The following AOPEP variants were observed in gnomAD, a reference collection of about 807,000 sequenced individuals.
The protein encoded by AOPEP is aminopeptidase O.
Under a neutral mutation model 98.1 loss-of-function variants are expected in AOPEP, and 77 were observed. That is an observed-to-expected ratio of 0.78 (90% CI 0.65 to 0.95). The LOEUF (loss-of-function observed/expected upper bound fraction) is 0.95, where lower values mean the gene tolerates loss of function less well. Among genes scored for constraint, AOPEP ranks in the 40% least tolerant of loss-of-function variants. The pLI, the probability that AOPEP is intolerant of heterozygous loss-of-function variation, is 0.00. For missense variants in AOPEP, 1,024 were observed against 1,024.7 expected, an observed-to-expected ratio of 1.00 and a Z score of 0.01; for synonymous variants, 346 against 365.3, an observed-to-expected ratio of 0.95 and a Z score of 0.60.
the AOPEP span, chr9:95,109,465 T>C: frequency 6.6e-6 from 1 of 152,162 alleles, no homozygotes; most frequent in Non-Finnish European, 1.5e-5. Flanking sequence ...TTCCTTTTTT[T>C]CTCTAGGCAT....
the AOPEP span, chr9:95,150,041 G>C: frequency 6.2e-7 from 1 of 1,614,166 alleles, no homozygotes; most frequent in Non-Finnish European, 8.5e-7. Context: ...AGGGTAATAA[G>C]TGGGACACAA....
At chr9:95,109,080 C>A in the AOPEP span, among the ~76,000 whole-genome samples, 286 of 152,074 alleles carry the variant, frequency 1.9e-3, no homozygotes, top group African/African-American at 6.0e-3. Flanking sequence ...TGGCTAATTT[C>A]TTTATTTATT....
intron 13 of AOPEP, among the ~76,000 whole-genome samples, chr9:95,055,927 A>G (rs2066775629): frequency 6.6e-6 from 1 of 151,208 alleles, no homozygotes; most frequent in Non-Finnish European, 1.5e-5. Context: ...TTCCCTGCGT[A>G]GTAACATAGA....
Position 95,015,466 on chromosome 9 carries a change from C to T in AOPEP, c.2115+9850C>T, listed in dbSNP as rs140014960. Among the ~76,000 whole-genome samples, 592 of 152,256 alleles carry T rather than the reference C, an allele frequency of 3.9e-3. 7 individuals are homozygous for T. The highest frequency in any genetic ancestry group is 0.014 in the African/African-American group (574 of 41,550). ...ATTCTATATTTATTCAAACAATTTA[C>T]AATTTTTATTTGATGTTCACAACGT... On this transcript the variant is annotated intron_variant, in intron 13 of 16. Coordinates refer to ENST00000375315, the MANE Select transcript of AOPEP (RefSeq NM_001193329.3).
chr9:94,982,971 C>G (rs1231743356), intron 11 of AOPEP, among the ~76,000 whole-genome samples: 1 of 152,146 alleles, frequency 6.6e-6, no homozygotes, highest in Non-Finnish European at 1.5e-5. Context: ...AGCCTTTCTT[C>G]TACACTCCTT....
At chr9:94,819,857 G>T (rs113938508) in intron 5 of AOPEP, among the ~76,000 whole-genome samples, 1 of 151,862 alleles carries the variant, frequency 6.6e-6, no homozygotes, top group African/African-American at 2.4e-5. Flanking sequence ...ACAGGAATGA[G>T]CCACTGTGCT....
intron 3 of AOPEP, among the ~76,000 whole-genome samples, chr9:94,784,246 C>T (rs1843908752): frequency 1.3e-5 from 2 of 152,224 alleles, no homozygotes; most frequent in Non-Finnish European, 1.5e-5. Context: ...ATCCAAGACT[C>T]ACCTACTAAT....
chr9:95,100,002 CCT>C, the AOPEP span: 1 of 232,314 alleles, frequency 4.3e-6, no homozygotes, highest in East Asian at 6.1e-5. Flanking sequence ...CCCAGTGGCC[CCT>C]CTCTCTAGGG....
chr9:95,116,097 CGG>C, the AOPEP span, among the ~76,000 whole-genome samples: 2 of 152,250 alleles, frequency 1.3e-5, no homozygotes, highest in Non-Finnish European at 2.9e-5. Flanking sequence ...GTTACACAAA[CGG>C]AAAGGTAAAG....
intron 15 of AOPEP, 158 bp downstream of exon 15, chr9:95,080,938 G>A (rs2069680758): frequency 1.6e-6 from 1 of 631,320 alleles, no homozygotes; most frequent in Non-Finnish European, 2.8e-6. Context: ...TGATTTTTCT[G>A]AGCTGCTTTT....
chr9:94,850,034 CAA>C (rs11309177), intron 5 of AOPEP, among the ~76,000 whole-genome samples: 2,446 of 113,164 alleles, frequency 0.022, 24 homozygotes, highest in African/African-American at 0.033. Flanking sequence ...GATTCCATCT[CAA>C]AAAAAAAAAA....
At chr9:95,124,115 A>G in the AOPEP span, among the ~76,000 whole-genome samples, 1 of 151,016 alleles carries the variant, frequency 6.6e-6, no homozygotes, top group African/African-American at 2.4e-5. Flanking sequence ...AAAAAAAAAA[A>G]AAAAAAAAAA....
At chr9:95,137,734 C>T in the AOPEP span, among the ~76,000 whole-genome samples, 1 of 152,136 alleles carries the variant, frequency 6.6e-6, no homozygotes, top group Non-Finnish European at 1.5e-5. Flanking sequence ...GTGTCAGAAC[C>T]CCAAGGGAGG....
chr9:95,027,461 A>G (rs1715796619), intron 13 of AOPEP, among the ~76,000 whole-genome samples: 1 of 152,104 alleles, frequency 6.6e-6, no homozygotes, highest in African/African-American at 2.4e-5. Context: ...TGTCTAAATT[A>G]AATTTACTTT....
chr9:95,135,621 G>T, the AOPEP span: 1 of 792,276 alleles, frequency 1.3e-6, no homozygotes, highest in Non-Finnish European at 2.1e-6. Context: ...CATGGTCACA[G>T]CAGTGGCTAA....
chr9:94,774,359 A>G (rs948522043), intron 3 of AOPEP, among the ~76,000 whole-genome samples: 8 of 150,270 alleles, frequency 5.3e-5, no homozygotes, highest in Non-Finnish European at 1.0e-4. Context: ...CATATTTATT[A>G]TAGAAACTTT....
rs1351786419 is a variant in AOPEP, at chr9:94,930,672, G to A, written c.1661+2141G>A. Among the ~76,000 whole-genome samples the A allele has an allele frequency of 6.6e-6, 1 of 152,084 alleles. No individual in the cohort carries two copies. The highest frequency in any genetic ancestry group is 1.5e-5 in the Non-Finnish European group (1 of 68,034). The stretch of plus-strand genomic sequence containing the variant: ...GCCAGAAAAGAAGCTGAGGCAAGCA[G>A]GTGGGAGTGGCTGATGTTGGAAGCT... On this transcript the variant is annotated intron_variant, in intron 7 of 16. Transcript: ENST00000375315. This position sits in a 1 kb window ranked among gnomAD's most constrained non-coding sequence, Gnocchi z 4.5.
At chr9:94,767,784 T>TA (rs552032448) in intron 2 of AOPEP, among the ~76,000 whole-genome samples, 1 of 152,352 alleles carries the variant, frequency 6.6e-6, no homozygotes, top group East Asian at 1.9e-4. Flanking sequence ...TGACTTTACG[T>TA]AAAATCTATC....
At chr9:94,811,131 T>G (rs1850485928) in intron 5 of AOPEP, among the ~76,000 whole-genome samples, 1 of 152,214 alleles carries the variant, frequency 6.6e-6, no homozygotes, top group Admixed American at 6.5e-5. Flanking sequence ...CTGCTCAAAC[T>G]GTGTTTTAGT....
Sources: gnomAD v4.1 joint callset for allele counts (sites outside exome capture counted in the v4.1 genomes callset) on GRCh38, gnomAD v4.1.1 for gene constraint, Gnocchi (gnomAD v3.1) non-coding constraint, MANE v1.5 for transcripts, NCBI Gene and HGNC (gene_info 2026-07-23, HGNC 2026-07-21) for gene names.